TMEM132D: variants seen among roughly 807,000 people sequenced by gnomAD.
TMEM132D encodes mature OL transmembrane protein.
Under a neutral mutation model 62.3 loss-of-function variants are expected in TMEM132D, and 21 were observed. The ratio of observed to expected loss-of-function variants is 0.34; its 90% CI spans 0.24 to 0.49. The LOEUF is 0.49. TMEM132D is among the 20% of genes least tolerant of loss of function. The pLI, the probability that TMEM132D is intolerant of heterozygous loss-of-function variation, is 0.99. For missense variants in TMEM132D, 1,346 were observed against 1,402.8 expected, an observed-to-expected ratio of 0.96 and a Z score of 0.65; for synonymous variants, 621 against 575.6, an observed-to-expected ratio of 1.08 and a Z score of -1.13.
chr12:129,754,449 C>G (rs1395999443), intron 1 of TMEM132D, among the ~76,000 whole-genome samples: 2 of 152,236 alleles, frequency 1.3e-5, no homozygotes, highest in African/African-American at 4.8e-5. Flanking sequence ...AGAGCTGTTA[C>G]CAAAAGAGTT....
At chr12:129,214,945 A>C (rs1879161539) in intron 4 of TMEM132D, among the ~76,000 whole-genome samples, 1 of 152,226 alleles carries the variant, frequency 6.6e-6, no homozygotes, top group African/African-American at 2.4e-5. Context: ...TTGACCCAGC[A>C]ATCCCATTAC....
intron 1 of TMEM132D, among the ~76,000 whole-genome samples, chr12:129,704,509 G>A (rs1249266461): frequency 6.6e-6 from 1 of 152,196 alleles, no homozygotes; most frequent in Non-Finnish European, 1.5e-5. Flanking sequence ...GGGGCAGGAG[G>A]TTTGACATAG....
At chr12:129,691,142 G>A (rs1406536888) in intron 2 of TMEM132D, among the ~76,000 whole-genome samples, 2 of 151,718 alleles carry the variant, frequency 1.3e-5, no homozygotes, top group Admixed American at 1.3e-4. Flanking sequence ...AAATTAAAAA[G>A]AAAATATAAC....
chr12:129,700,236 C>T lies in TMEM132D; in HGVS notation c.542G>A (p.Gly181Asp), dbSNP rs777401628. The change falls in exon 2 of 9, where the codon GGC becomes GAC. Residue 181 changes from glycine (G) to aspartate (D), a missense_variant. Transcript: ENST00000422113. ...FAFRETREVR[G>D]SCRLQGDLGL... ...CAGGTCCCCCTGCAGCCGGCAGCTG[C>T]CCCGCACCTCTCGGGTCTCTCGGAA... 3.7e-6 allele frequency: 6 copies of T among 1,612,888 alleles called. No homozygotes were observed. The highest frequency in any genetic ancestry group is 1.7e-5 in the Admixed American group (1 of 60,000).
intron 4 of TMEM132D, among the ~76,000 whole-genome samples, chr12:129,221,844 G>C (rs749725658): frequency 6.6e-6 from 1 of 152,150 alleles, no homozygotes; most frequent in Non-Finnish European, 1.5e-5. Flanking sequence ...CTGCGACAAT[G>C]ATGGGCTGTG....
intron 3 of TMEM132D, among the ~76,000 whole-genome samples, chr12:129,442,427 T>C (rs926033230): frequency 2.6e-5 from 4 of 152,158 alleles, no homozygotes; most frequent in Admixed American, 6.5e-5. Context: ...ACTCTACCCT[T>C]TCCAGATGCT....
At position 129,512,488 on chromosome 12, in the gene TMEM132D, G is replaced by C. The variant is rs115524377; in HGVS notation, c.1115+18571C>G. On this transcript the variant is annotated intron_variant, in intron 3 of 8. Coordinates refer to ENST00000422113, the MANE Select transcript of TMEM132D (RefSeq NM_133448.3). ...AGATGACAGAGAGACATTGAACATTGGTGACATCTTCTAAGTCATAAACCC... is the reference window on the plus strand; with the variant it reads ...AGATGACAGAGAGACATTGAACATTCGTGACATCTTCTAAGTCATAAACCC... Among the ~76,000 whole-genome samples the C allele has an allele frequency of 7.9e-3, 1,196 of 152,264 alleles. 17 individuals are homozygous for C. The highest frequency in any genetic ancestry group is 0.027 in the African/African-American group (1,137 of 41,546).
rs560575343 is a variant in TMEM132D at position 129,383,999 on chromosome 12, C to T, written c.1116-46182G>A. Among the ~76,000 whole-genome samples, 33 of 152,256 alleles carry T rather than the reference C, an allele frequency of 2.2e-4. 1 individual carries two copies. The highest frequency in any genetic ancestry group is 1.0e-3 in the South Asian group (5 of 4,824). On this transcript the variant is annotated intron_variant, in intron 3 of 8. Transcript: ENST00000422113. Reference sequence around the variant, plus strand: ...CTGCCTCCCGAAAGCTGTAGAACCTCGTAGACTTTGTAGAAGACTCTCATT... The same window carrying T: ...CTGCCTCCCGAAAGCTGTAGAACCTTGTAGACTTTGTAGAAGACTCTCATT...
chr12:129,636,649 T>C (rs1361186496), intron 2 of TMEM132D, among the ~76,000 whole-genome samples: 1 of 151,640 alleles, frequency 6.6e-6, no homozygotes, highest in East Asian at 1.9e-4. Flanking sequence ...TGTGATTTGG[T>C]TATTTCCTGA....
Position 129,255,232 on chromosome 12 carries a change from A to G in TMEM132D, c.1300-45569T>C, listed in dbSNP as rs78864308. On this transcript the variant is annotated intron_variant, in intron 4 of 8. Coordinates refer to ENST00000422113, the MANE Select transcript of TMEM132D (RefSeq NM_133448.3). ...GCCTGAAGAACGGTGAGCCAATTAA[A>G]TATCTTTTCTTTATAATTATGCAGC... Among the ~76,000 whole-genome samples the G allele has an allele frequency of 9.8e-5, 15 of 152,324 alleles. No homozygotes were observed. In the Middle Eastern group the frequency reaches 0.01, roughly 104 times the overall value.
At chr12:129,234,193 G>A (rs1004337144) in intron 4 of TMEM132D, among the ~76,000 whole-genome samples, 3 of 152,170 alleles carry the variant, frequency 2.0e-5, no homozygotes, top group African/African-American at 4.8e-5. Context: ...AATGCAGGAA[G>A]GATGCTAAGA....
At chr12:129,685,687 A>C (rs1880893584) in intron 2 of TMEM132D, among the ~76,000 whole-genome samples, 1 of 152,190 alleles carries the variant, frequency 6.6e-6, no homozygotes. Context: ...CCCTAGAAGA[A>C]GACCACCAAC....
intron 2 of TMEM132D, among the ~76,000 whole-genome samples, chr12:129,630,872 G>A (rs1433663674): frequency 1.3e-5 from 2 of 151,916 alleles, no homozygotes. Context: ...CCACCCTCAA[G>A]CAGGCCCCAG....
At position 129,132,937 on chromosome 12, in the gene TMEM132D, G is replaced by T. The variant is rs199669614; in HGVS notation, c.1444-48235C>A. Among the ~76,000 whole-genome samples, 14 of 152,274 alleles carry T rather than the reference G, an allele frequency of 9.2e-5. No homozygotes were observed. The East Asian group carries it at 2.5e-3, about 27-fold the overall frequency. On this transcript the variant is annotated intron_variant, in intron 5 of 8. Transcript: ENST00000422113. ...TCCACTTCACTCCAGTTGCCGTCAC[G>T]TTGGATTTGACTCAGCATTCAGAAT...
chr12:129,644,501 A>C (rs1321852994), intron 2 of TMEM132D, among the ~76,000 whole-genome samples: 1 of 152,112 alleles, frequency 6.6e-6, no homozygotes, highest in East Asian at 1.9e-4. Flanking sequence ...GGAGTGAGAG[A>C]GACCAGGCAG....
chr12:129,787,145 TC>T (rs150827760), intron 1 of TMEM132D, among the ~76,000 whole-genome samples: 15,092 of 152,086 alleles, frequency 0.099, 998 homozygotes, highest in African/African-American at 0.18. Flanking sequence ...ATAATTTCTA[TC>T]CCCCTGCCAA....
chr12:129,187,627 TACTGC>T (rs1878255451), intron 5 of TMEM132D, among the ~76,000 whole-genome samples: 1 of 152,258 alleles, frequency 6.6e-6, no homozygotes, highest in South Asian at 2.1e-4. Flanking sequence ...GTCTTCTTTG[TACTGC>T]TGCATAGTCA....
In TMEM132D at chr12:129,660,769, T is replaced by C. The variant is rs567579269; in HGVS notation, c.968+39041A>G. 1.6e-4 allele frequency among the ~76,000 whole-genome samples: 25 copies of C among 152,140 alleles called. 2 individuals are homozygous for C. The South Asian group carries it at 5.0e-3, about 30-fold the overall frequency. On this transcript the variant is annotated intron_variant, in intron 2 of 8. Transcript: ENST00000422113. ...TGTGGGGCTAGGTGTGTGCCTGGTATTGGGAAGAGGCACACCTAAGGGATT... is the reference window on the plus strand; with the variant it reads ...TGTGGGGCTAGGTGTGTGCCTGGTACTGGGAAGAGGCACACCTAAGGGATT...
At chr12:129,402,007 C>G (rs990364457) in intron 3 of TMEM132D, among the ~76,000 whole-genome samples, 1 of 152,196 alleles carries the variant, frequency 6.6e-6, no homozygotes, top group Non-Finnish European at 1.5e-5. Context: ...GTGGCACGTT[C>G]TCAGTGAAGC....
Sources: allele counts gnomAD v4.1 joint callset (sites outside exome capture counted in the v4.1 genomes callset), GRCh38; gene constraint gnomAD v4.1.1; transcripts MANE v1.5; gene names NCBI Gene and HGNC (gene_info 2026-07-23, HGNC 2026-07-21).